Variants in POT1 observed in about 807,000 individuals in gnomAD.
The protein encoded by POT1 is protection of telomeres 1, also known as protection of telomeres protein 1.
Under a neutral mutation model 78.5 loss-of-function variants are expected in POT1, and 47 were observed. That is an observed-to-expected ratio of 0.60 (90% confidence interval 0.47 to 0.76). The LOEUF is 0.76. POT1 is among the 30% of genes least tolerant of loss of function. The probability of loss-of-function intolerance (pLI) is 0.00; values close to 1 mark genes in which losing one functional copy is unlikely to be tolerated. For missense variants in POT1, 646 were observed against 749.9 expected, an observed-to-expected ratio of 0.86 and a Z score of 1.62; for synonymous variants, 259 against 260.7, an observed-to-expected ratio of 0.99 and a Z score of 0.06.
chr7:124,892,416 A>C, intron 5 of POT1, 36 bp from the exon 6 acceptor site: 1 of 1,018,366 alleles, frequency 9.8e-7, no homozygotes, highest in Non-Finnish European at 1.4e-6. Flanking sequence ...CATTTATACA[A>C]AGTATTTACA....
intron 5 of POT1, 78 bp downstream of exon 5, chr7:124,897,087 T>C (rs937684866): frequency 2.4e-6 from 2 of 835,358 alleles, no homozygotes; most frequent in Non-Finnish European, 3.6e-6. Flanking sequence ...GGACTGAATA[T>C]ACATACACAT....
chr7:124,844,476 C>T (rs1310075553), intron 12 of POT1, among the ~76,000 whole-genome samples: 1 of 148,420 alleles, frequency 6.7e-6, no homozygotes, highest in Non-Finnish European at 1.5e-5. Flanking sequence ...GTGGCTCACG[C>T]CTGTAATCCC....
Position 124,903,896 on chromosome 7 carries a change from G to T in POT1, c.-153-5522C>A, listed in dbSNP as rs985438577. ...CAGAGAATACTATGAACACTTCTAC[G>T]CAAATAAACTAGAAACTCTAGAAGA... On this transcript the variant is annotated intron_variant, in intron 3 of 18. Transcript: ENST00000357628. Among the ~76,000 whole-genome samples, 5 of 152,118 alleles carry T rather than the reference G, an allele frequency of 3.3e-5. No individual in the cohort carries two copies. The South Asian group carries it at 6.2e-4, about 19-fold the overall frequency.
intron 11 of POT1, among the ~76,000 whole-genome samples, chr7:124,850,107 A>G (rs951641831): frequency 5.9e-5 from 9 of 152,216 alleles, no homozygotes; most frequent in African/African-American, 1.9e-4. Context: ...TATAATTACA[A>G]ATTATACTGT....
intron 9 of POT1, among the ~76,000 whole-genome samples, chr7:124,855,685 A>G (rs540947203): frequency 6.6e-6 from 1 of 152,022 alleles, no homozygotes; most frequent in South Asian, 2.1e-4. Context: ...AACACTAAAA[A>G]AAAAAGCAAA....
In POT1 at chr7:124,899,297, A is replaced by C. The variant is rs150658143; in HGVS notation, c.-153-923T>G. The stretch of plus-strand genomic sequence containing the variant: ...AACAAACTGTCTATGAATCAAACGA[A>C]AGACCTTATTTTGCCTTTTCTAAAA... On this transcript the variant is annotated intron_variant, in intron 3 of 18. Transcript: ENST00000357628. Among the ~76,000 whole-genome samples, 1,416 of 152,250 alleles carry C rather than the reference A, an allele frequency of 9.3e-3. 23 individuals carry two copies. Among genetic ancestry groups the C allele is most frequent in the Admixed American group, 0.028 (430 of 15,290 alleles).
At chr7:124,834,260 C>T (rs1182152279) in intron 15 of POT1, among the ~76,000 whole-genome samples, 3 of 152,038 alleles carry the variant, frequency 2.0e-5, no homozygotes, top group African/African-American at 7.3e-5. Context: ...CAAATGGGAC[C>T]TAATTAAACT....
At chr7:124,877,882 A>G (rs1421305642) in intron 6 of POT1, among the ~76,000 whole-genome samples, 1 of 147,790 alleles carries the variant, frequency 6.8e-6, no homozygotes, top group Non-Finnish European at 1.5e-5. Context: ...GTGATCACTT[A>G]GCATAATGTT....
In POT1 at chr7:124,827,203, C is replaced by T. The variant is rs779354693; in HGVS notation, c.1686+11G>A. On this transcript the variant is annotated intron_variant, in intron 17 of 18. Coordinates refer to ENST00000357628, the MANE Select transcript of POT1 (RefSeq NM_015450.3). The stretch of plus-strand genomic sequence containing the variant: ...TTAATTAAAAATATCTTTATTACCT[C>T]TGATACTTACAGAATCCATGAGATA... 7.1e-7 allele frequency: 1 copy of T among 1,414,262 alleles called. No homozygotes were observed. The highest frequency in any genetic ancestry group is 2.0e-5 in the Admixed American group (1 of 49,202). The allele number at this position is 1,414,262 out of a possible 1,614,324, so 87.6% of individuals were successfully genotyped here.
chr7:124,891,222 A>G (rs993802553), intron 6 of POT1, among the ~76,000 whole-genome samples: 3 of 151,826 alleles, frequency 2.0e-5, no homozygotes, highest in African/African-American at 4.8e-5. Context: ...CATAATTGTT[A>G]TATTTTCTTG....
chr7:124,875,818 A>T (rs1795977862), intron 6 of POT1, among the ~76,000 whole-genome samples: 1 of 152,236 alleles, frequency 6.6e-6, no homozygotes, highest in African/African-American at 2.4e-5. Context: ...TGATTTCACC[A>T]TACGTTATTC....
Position 124,825,805 on chromosome 7 carries a change from T to C in POT1, c.1687-448A>G, listed in dbSNP as rs538184420. Among the ~76,000 whole-genome samples the C allele has an allele frequency of 2.6e-5, 4 of 152,324 alleles. No individual in the cohort carries two copies. The South Asian group carries it at 6.2e-4, about 24-fold the overall frequency. ...ACCGCTGTGTCTCCATCACATAGGA[T>C]AGTACCTAGTACATAGCAGGTGCTC... On this transcript the variant is annotated intron_variant, in intron 17 of 18. Coordinates refer to ENST00000357628, the MANE Select transcript of POT1 (RefSeq NM_015450.3).
chr7:124,873,004 C>T (rs953441892), intron 6 of POT1, among the ~76,000 whole-genome samples: 1 of 152,166 alleles, frequency 6.6e-6, no homozygotes, highest in Non-Finnish European at 1.5e-5. Context: ...CTATTCAGGT[C>T]CTTTGCCCAT....
chr7:124,870,309 G>C (rs1239994406), intron 7 of POT1, among the ~76,000 whole-genome samples: 1 of 151,940 alleles, frequency 6.6e-6, no homozygotes, highest in African/African-American at 2.4e-5. Flanking sequence ...CTTTGTATTT[G>C]TAAGTTCTAA....
intron 6 of POT1, among the ~76,000 whole-genome samples, chr7:124,891,151 T>C (rs529115311): frequency 6.6e-6 from 1 of 151,812 alleles, no homozygotes; most frequent in Non-Finnish European, 1.5e-5. Flanking sequence ...TGCTGTCTAT[T>C]TCTCCCTTCA....
At chr7:124,828,313 G>T (rs1794680004) in intron 16 of POT1, among the ~76,000 whole-genome samples, 1 of 152,000 alleles carries the variant, frequency 6.6e-6, no homozygotes, top group African/African-American at 2.4e-5. Flanking sequence ...TTAATAATTT[G>T]GTAAGATAAG....
intron 3 of POT1, among the ~76,000 whole-genome samples, chr7:124,913,149 A>G (rs2116690907): frequency 6.6e-6 from 1 of 152,238 alleles, no homozygotes; most frequent in South Asian, 2.1e-4. Flanking sequence ...ACCCGCCTCC[A>G]TAATTCAATC....
intron 11 of POT1, among the ~76,000 whole-genome samples, chr7:124,849,997 T>C (rs1795264843): frequency 6.6e-6 from 1 of 152,150 alleles, no homozygotes; most frequent in African/African-American, 2.4e-5. Flanking sequence ...AATAAAGGTA[T>C]AGTGAAAGCT....
At chr7:124,864,860 A>C (rs1247154170) in intron 7 of POT1, among the ~76,000 whole-genome samples, 1 of 152,168 alleles carries the variant, frequency 6.6e-6, no homozygotes, top group African/African-American at 2.4e-5. Context: ...TACGGAAAGA[A>C]AAACATTGTG....
Sources: allele counts gnomAD v4.1 joint callset (sites outside exome capture counted in the v4.1 genomes callset), GRCh38; gene constraint gnomAD v4.1.1; transcripts MANE v1.5; gene names NCBI Gene and HGNC (gene_info 2026-07-23, HGNC 2026-07-21).